Variants in CHM observed in about 807,000 individuals in gnomAD.
CHM encodes the protein CHM Rab escort protein.
In CHM, 10 loss-of-function variants were observed where a neutral mutation model predicts 49.0. The observed-to-expected ratio is 0.20, with a 90% CI of 0.13 to 0.35. CHM has a LOEUF of 0.35. Among genes scored for constraint, CHM ranks in the 10% least tolerant of loss-of-function variants. The pLI is 1.00. For synonymous variants in CHM, 184 were observed against 167.5 expected, an observed-to-expected ratio of 1.10 and a Z score of -0.76; for missense variants, 455 against 478.4, an observed-to-expected ratio of 0.95 and a Z score of 0.46.
intron 2 of CHM, among the ~76,000 whole-genome samples, chrX:85,997,779 G>A (rs1248422804): frequency 9.0e-6 from 1 of 110,939 alleles, no homozygotes; most frequent in African/African-American, 3.3e-5. Context: ...GTGAAATCCC[G>A]TCTGTACTAA....
chrX:85,871,732 T>C (rs1028758977), intron 14 of CHM, among the ~76,000 whole-genome samples: 1 of 111,762 alleles, frequency 8.9e-6, no homozygotes, highest in East Asian at 2.8e-4. Context: ...TCAATTATAA[T>C]CTTCTAGCAT....
rs1310069314 is a variant in CHM, at chrX:86,045,303, C to G, written c.49+2181G>C. On this transcript the variant is annotated intron_variant, in intron 1 of 14. Coordinates refer to ENST00000357749, the MANE Select transcript of CHM (RefSeq NM_000390.4). ...CAAACTATTTCACAAGAGAAATATC[C>G]CAAGCACACTAAAAAATAAATCAAA... Among the ~76,000 whole-genome samples, 6 of 111,482 alleles carry G rather than the reference C, an allele frequency of 5.4e-5. No individual in the cohort carries two copies. The Admixed American group carries it at 5.7e-4, about 11-fold the overall frequency.
intron 8 of CHM, among the ~76,000 whole-genome samples, chrX:85,923,534 T>C (rs1026055101): frequency 3.6e-5 from 4 of 112,167 alleles, no homozygotes; most frequent in Non-Finnish European, 5.6e-5. Flanking sequence ...GAAGTGTTAA[T>C]GCTGATGGCA....
intron 8 of CHM, among the ~76,000 whole-genome samples, chrX:85,941,834 C>T (rs1382356848): frequency 1.8e-5 from 2 of 111,606 alleles, no homozygotes; most frequent in Admixed American, 9.5e-5. Flanking sequence ...ATTTTCCCTG[C>T]TGGCATTCTG....
At chrX:85,970,416 G>A (rs960069972) in intron 4 of CHM, 2 of 751,339 alleles carry the variant, frequency 2.7e-6, no homozygotes, top group Admixed American at 1.8e-4. Context: ...CTTCACAAAG[G>A]AAATACTTAA....
At chrX:85,932,504 T>G (rs1189365198) in intron 8 of CHM, among the ~76,000 whole-genome samples, 1 of 112,248 alleles carries the variant, frequency 8.9e-6, no homozygotes, top group Non-Finnish European at 1.9e-5. Context: ...AAACAGAAAC[T>G]GCACTGGACA....
chrX:85,981,462 G>C (rs1234597538), intron 3 of CHM, among the ~76,000 whole-genome samples: 1 of 109,931 alleles, frequency 9.1e-6, no homozygotes, highest in African/African-American at 3.3e-5. Flanking sequence ...TCGAACTCCT[G>C]ACATCAGGTG....
At chrX:85,994,486 T>G (rs1388406130) in intron 2 of CHM, among the ~76,000 whole-genome samples, 1 of 111,406 alleles carries the variant, frequency 9.0e-6, no homozygotes, top group East Asian at 2.8e-4. Context: ...GATCAAAGGG[T>G]TAAGGACTGC....
intron 8 of CHM, among the ~76,000 whole-genome samples, chrX:85,935,787 T>C (rs1421922912): frequency 1.8e-5 from 2 of 111,949 alleles, no homozygotes; most frequent in Non-Finnish European, 1.9e-5. Context: ...TAAGCAAGCG[T>C]GAATCTACTG....
chrX:85,985,397 A>T (rs747165167), intron 2 of CHM, among the ~76,000 whole-genome samples: 1 of 112,200 alleles, frequency 8.9e-6, no homozygotes, highest in African/African-American at 3.2e-5. Context: ...TCTGGCCAAA[A>T]GAGATTTGAA....
chrX:86,007,167 C>T lies in CHM; in HGVS notation c.116+20324G>A, dbSNP rs139366485. On this transcript the variant is annotated intron_variant, in intron 2 of 14. Transcript: ENST00000357749. ...AAAAACAAGAAATGGGGAAAGCATT[C>T]CCTATTTAATAAATGGTGCTGGGAA... 6.2e-3 allele frequency among the ~76,000 whole-genome samples: 698 copies of T among 111,966 alleles called. 6 individuals are homozygous for T. The highest frequency in any genetic ancestry group is 0.021 in the African/African-American group (655 of 30,827).
intron 8 of CHM, among the ~76,000 whole-genome samples, chrX:85,927,155 C>T (rs1928139020): frequency 8.9e-6 from 1 of 111,831 alleles, no homozygotes; most frequent in African/African-American, 3.2e-5. Flanking sequence ...TTCAACTATA[C>T]AAAATAAATT....
chrX:85,913,376 G>GAAAGAAAGA (rs1221098106), intron 8 of CHM, among the ~76,000 whole-genome samples: 2 of 89,840 alleles, frequency 2.2e-5, no homozygotes, highest in East Asian at 6.9e-4. Flanking sequence ...AAGAAAGAAA[G>GAAAGAAAGA]AAAGAAAGAA....
At chrX:86,014,052 CAA>C (rs1933189433) in intron 2 of CHM, among the ~76,000 whole-genome samples, 2 of 112,034 alleles carry the variant, frequency 1.8e-5, no homozygotes, top group East Asian at 5.6e-4. Flanking sequence ...ATTTTACTTA[CAA>C]AACCAAGTGG....
intron 2 of CHM, among the ~76,000 whole-genome samples, chrX:86,020,229 T>C (rs1445724236): frequency 9.0e-6 from 1 of 111,233 alleles, no homozygotes; most frequent in Non-Finnish European, 1.9e-5. Flanking sequence ...CTTTCAAGAC[T>C]CAGCTGAAAT....
intron 2 of CHM, among the ~76,000 whole-genome samples, chrX:86,000,584 T>C (rs1922797621): frequency 9.4e-6 from 1 of 105,891 alleles, no homozygotes; most frequent in South Asian, 4.0e-4. Context: ...ACAGCGAAGA[T>C]ATGGAATCAA....
chrX:86,023,596 T>C (rs1229312864), intron 2 of CHM, among the ~76,000 whole-genome samples: 1 of 111,673 alleles, frequency 9.0e-6, no homozygotes, highest in East Asian at 2.8e-4. Context: ...AGTCAGTGTA[T>C]TTTTATTTAT....
chrX:85,963,689 TCTC>T lies in CHM; in HGVS notation c.675_677del (p.Arg226del). On this transcript the variant is annotated inframe_deletion, in exon 5 of 15. Transcript: ENST00000357749. ...CCTTTGATACTAAATCAATATTAAA[TCTC>T]CTGCCTTCTTTAATAATTTGTGAGT... The T allele has an allele frequency of 1.7e-6, 2 of 1,197,263 alleles. No individual in the cohort carries two copies. Among genetic ancestry groups the T allele is most frequent in the African/African-American group, 3.5e-5 (2 of 57,527 alleles).
intron 2 of CHM, among the ~76,000 whole-genome samples, chrX:86,011,854 A>G (rs190586551): frequency 2.8e-3 from 310 of 111,493 alleles, no homozygotes; most frequent in African/African-American, 9.6e-3. Flanking sequence ...AGGAAGGGCC[A>G]TGAGCCAAAG....
Sources: gnomAD v4.1 joint callset for allele counts (sites outside exome capture counted in the v4.1 genomes callset) on GRCh38, gnomAD v4.1.1 for gene constraint, MANE v1.5 for transcripts, NCBI Gene and HGNC (gene_info 2026-07-23, HGNC 2026-07-21) for gene names.